Variants in PLPPR1 observed in about 807,000 individuals in gnomAD.
PLPPR1 encodes phospholipid phosphatase-related protein type 1.
A neutral mutation model predicts 33.1 loss-of-function variants in PLPPR1; 10 were observed. The ratio of observed to expected loss-of-function variants is 0.30; its 90% CI spans 0.19 to 0.51. The LOEUF is 0.51. Among genes scored for constraint, PLPPR1 ranks in the 20% least tolerant of loss-of-function variants. The pLI, the probability that PLPPR1 is intolerant of heterozygous loss-of-function variation, is 0.97. For missense variants in PLPPR1, 304 were observed against 408.1 expected, an observed-to-expected ratio of 0.74 and a Z score of 2.20; for synonymous variants, 151 against 151.0, an observed-to-expected ratio of 1.00 and a Z score of 0.00.
chr9:101,239,357 T>C (rs942609770), intron 2 of PLPPR1, among the ~76,000 whole-genome samples: 9 of 151,784 alleles, frequency 5.9e-5, no homozygotes, highest in Admixed American at 2.6e-4. Context: ...GTTCCCTTTT[T>C]GGGGACTAGA....
intron 3 of PLPPR1, among the ~76,000 whole-genome samples, chr9:101,283,528 T>C (rs2118912417): frequency 6.6e-6 from 1 of 152,310 alleles, no homozygotes; most frequent in Non-Finnish European, 1.5e-5. Flanking sequence ...GATTAAATAC[T>C]TAATTGTAAT....
chr9:101,246,125 T>TAGATAGATAGA (rs1196661599), intron 2 of PLPPR1, among the ~76,000 whole-genome samples: 4 of 141,644 alleles, frequency 2.8e-5, no homozygotes, highest in Non-Finnish European at 4.6e-5. Context: ...GATAGATAGA[T>TAGATAGATAGA]TTGTATAAGC....
chr9:101,238,212 C>CTA (rs1191478154), intron 2 of PLPPR1, among the ~76,000 whole-genome samples: 11 of 132,016 alleles, frequency 8.3e-5, no homozygotes, highest in African/African-American at 1.4e-4. Context: ...ATATATATAC[C>CTA]TATATATATA....
At chr9:101,086,425 C>T (rs907826863) in intron 1 of PLPPR1, among the ~76,000 whole-genome samples, 1 of 152,108 alleles carries the variant, frequency 6.6e-6, no homozygotes, top group Admixed American at 6.5e-5. Context: ...AATGATTGGA[C>T]CTTTTTGCCC....
intron 2 of PLPPR1, among the ~76,000 whole-genome samples, chr9:101,192,620 G>C (rs546851981): frequency 6.6e-6 from 1 of 152,078 alleles, no homozygotes; most frequent in South Asian, 2.1e-4. Flanking sequence ...AAAAACAACA[G>C]CTTCTACCCA....
intron 4 of PLPPR1, among the ~76,000 whole-genome samples, chr9:101,288,096 A>G (rs1828427488): frequency 1.3e-5 from 2 of 152,166 alleles, no homozygotes. Flanking sequence ...CAAGGAATAA[A>G]AATTTTGACT....
intron 1 of PLPPR1, among the ~76,000 whole-genome samples, chr9:101,108,977 G>A (rs991093224): frequency 1.9e-5 from 1 of 51,456 alleles, no homozygotes; most frequent in South Asian, 6.4e-4. Context: ...TTTTTTTTTT[G>A]AGATGGAGTC....
intron 2 of PLPPR1, among the ~76,000 whole-genome samples, chr9:101,257,488 G>A (rs1280214113): frequency 6.6e-6 from 1 of 152,120 alleles, no homozygotes; most frequent in Non-Finnish European, 1.5e-5. Flanking sequence ...TTGGTTTAGA[G>A]GGATTGGGAT....
At chr9:101,043,949 T>G (rs1830113977) in intron 1 of PLPPR1, among the ~76,000 whole-genome samples, 1 of 152,128 alleles carries the variant, frequency 6.6e-6, no homozygotes, top group South Asian at 2.1e-4. Context: ...AGACATTGGC[T>G]TAGGCAAAGA....
chr9:101,193,179 G>A (rs995482721), intron 2 of PLPPR1, among the ~76,000 whole-genome samples: 3 of 152,156 alleles, frequency 2.0e-5, no homozygotes, highest in Non-Finnish European at 4.4e-5. Flanking sequence ...TGGAGGACAA[G>A]GAATCAGGAG....
chr9:101,043,914 T>G (rs1830113327), intron 1 of PLPPR1, among the ~76,000 whole-genome samples: 2 of 152,202 alleles, frequency 1.3e-5, no homozygotes, highest in African/African-American at 4.8e-5. Flanking sequence ...TGTTGAGTAC[T>G]TTTTCATGTT....
intron 1 of PLPPR1, among the ~76,000 whole-genome samples, chr9:101,061,396 TGAGA>T (rs1008754159): frequency 6.6e-6 from 1 of 151,960 alleles, no homozygotes; most frequent in Non-Finnish European, 1.5e-5. Context: ...TGTGTGTGTG[TGAGA>T]AAGAGAGGGA....
chr9:101,192,649 GA>G (rs1328630771), intron 2 of PLPPR1, among the ~76,000 whole-genome samples: 4 of 151,954 alleles, frequency 2.6e-5, no homozygotes, highest in Non-Finnish European at 1.5e-5. Flanking sequence ...CAACAAATTT[GA>G]AAAGAAAACC....
intron 1 of PLPPR1, among the ~76,000 whole-genome samples, chr9:101,076,420 A>G (rs117105266): frequency 4.4e-3 from 676 of 152,330 alleles, no homozygotes; most frequent in Non-Finnish European, 7.4e-3. Context: ...CTGACTAAAA[A>G]TTGTGGCTCA....
chr9:101,101,894 C>G (rs1830905352), intron 1 of PLPPR1, among the ~76,000 whole-genome samples: 1 of 152,086 alleles, frequency 6.6e-6, no homozygotes, highest in Admixed American at 6.5e-5. Context: ...TCCTTTAAAG[C>G]CAGTCTAGAA....
intron 2 of PLPPR1, among the ~76,000 whole-genome samples, chr9:101,245,068 G>A (rs1827562430): frequency 6.6e-6 from 1 of 151,932 alleles, no homozygotes; most frequent in Non-Finnish European, 1.5e-5. Flanking sequence ...AAACCCTGCT[G>A]CTAAGCATGG....
chr9:101,200,833 ATTTTC>A (rs1826478737), intron 2 of PLPPR1, among the ~76,000 whole-genome samples: 1 of 152,122 alleles, frequency 6.6e-6, no homozygotes, highest in Non-Finnish European at 1.5e-5. Context: ...AAATTCATTA[ATTTTC>A]TTTTGATAGT....
Position 101,269,163 on chromosome 9 carries a change from T to C in PLPPR1, c.64-717T>C, listed in dbSNP as rs541418753. On this transcript the variant is annotated intron_variant, in intron 2 of 7. Transcript: ENST00000374874. ...TAAACTTCGGTGAGTATCTAGGACA[T>C]CTGAGTCAAAACAAAAGGATAACTG... is the stretch of plus-strand genomic sequence containing the variant. 1.1e-3 allele frequency among the ~76,000 whole-genome samples: 160 copies of C among 152,104 alleles called. 1 individual carries two copies. The highest frequency in any genetic ancestry group is 2.0e-3 in the Non-Finnish European group (137 of 67,952).
chr9:101,109,826 A>G (rs1831029739), intron 1 of PLPPR1, among the ~76,000 whole-genome samples: 1 of 152,130 alleles, frequency 6.6e-6, no homozygotes, highest in African/African-American at 2.4e-5. Context: ...TTTCCTCATA[A>G]TCAACTAGCC....
Sources: allele counts gnomAD v4.1 joint callset (sites outside exome capture counted in the v4.1 genomes callset), GRCh38; gene constraint gnomAD v4.1.1; transcripts MANE v1.5; gene names NCBI Gene and HGNC (gene_info 2026-07-23, HGNC 2026-07-21).